The following TMOD1 variants were observed in gnomAD, a reference collection of about 807,000 sequenced individuals.
TMOD1 encodes the protein tropomodulin-1.
Under a neutral mutation model 40.6 loss-of-function variants are expected in TMOD1, and 17 were observed. That is an observed-to-expected ratio of 0.42 (90% CI 0.29 to 0.63). The LOEUF is 0.63. TMOD1 is among the 20% of genes least tolerant of loss of function. The pLI is 0.22. For synonymous variants in TMOD1, 181 were observed against 175.0 expected (o/e 1.03, Z -0.27); for missense variants, 391 against 447.6 (o/e 0.87, Z 1.14).
chr9:97,592,026 A>G (rs1826012592), intron 9 of TMOD1, among the ~76,000 whole-genome samples: 1 of 151,536 alleles, frequency 6.6e-6, no homozygotes, highest in African/African-American at 2.4e-5. Flanking sequence ...AAATTTTAAA[A>G]AATAAAAAAA....
At chr9:97,519,756 G>A (rs911868809) in intron 1 of TMOD1, among the ~76,000 whole-genome samples, 1 of 152,184 alleles carries the variant, frequency 6.6e-6, no homozygotes, top group African/African-American at 2.4e-5. Context: ...GGAACACGAA[G>A]ACACATAGAA....
At position 97,568,745 on chromosome 9, in the gene TMOD1, A is replaced by T. The variant is rs529712409; in HGVS notation, c.727-149A>T. The T allele has an allele frequency of 1.1e-5, 10 of 878,628 alleles. No individual in the cohort carries two copies. In the East Asian group the frequency reaches 2.5e-4, roughly 22 times the overall value. 54.4% of individuals were successfully genotyped at this position (878,628 alleles called of 1,614,324 possible). On this transcript the variant is annotated intron_variant, in intron 7 of 9. Coordinates refer to ENST00000259365, the MANE Select transcript of TMOD1 (RefSeq NM_003275.4). ...CAGGAGCCATGGCGGGTTGCAGGAG[A>T]GGAGAGACACAGTCAGAGTTGTGCT...
At chr9:97,504,057 G>T (rs1829548701) in intron 1 of TMOD1, among the ~76,000 whole-genome samples, 1 of 152,198 alleles carries the variant, frequency 6.6e-6, no homozygotes, top group South Asian at 2.1e-4. Flanking sequence ...ATCAGGATTG[G>T]CAGGGATCAT....
intron 1 of TMOD1, among the ~76,000 whole-genome samples, chr9:97,508,510 C>T (rs1564226134): frequency 6.6e-6 from 1 of 152,148 alleles, no homozygotes; most frequent in Non-Finnish European, 1.5e-5. Context: ...ATTTCTGTGC[C>T]TGGTGTCCCC....
In TMOD1 at chr9:97,601,664, G is replaced by A. The variant is rs534871865; in HGVS notation, c.*1966G>A. ...TTTTGCAGGCCACATAGTGTCTGTT[G>A]CAACTATTCAACTCTGCCATAGATC... is the stretch of plus-strand genomic sequence containing the variant. On this transcript the variant is annotated 3_prime_UTR_variant, in exon 10 of 10. Coordinates refer to ENST00000259365, the MANE Select transcript of TMOD1 (RefSeq NM_003275.4). 13 of 777,602 alleles carry A rather than the reference G, an allele frequency of 1.7e-5. No individual in the cohort carries two copies. The African/African-American group carries it at 1.7e-4, about 10-fold the overall frequency. 48.2% of individuals were successfully genotyped at this position (777,602 alleles called of 1,614,324 possible).
chr9:97,565,644 T>G (rs1830715469), intron 6 of TMOD1, among the ~76,000 whole-genome samples: 2 of 152,182 alleles, frequency 1.3e-5, no homozygotes, highest in Non-Finnish European at 2.9e-5. Context: ...TATCTGAAAT[T>G]TTCAGGGAGG....
rs114571014 is a variant in TMOD1 at position 97,522,170 on chromosome 9, C to T, written c.-48-1971C>T. On this transcript the variant is annotated intron_variant, in intron 1 of 9. Transcript: ENST00000259365. Reference sequence around the variant, plus strand: ...CACAGCGTGGCTTAAATAACAGAAACGTACTGTCACACAGTGTTGGAGGCT... The same window carrying T: ...CACAGCGTGGCTTAAATAACAGAAATGTACTGTCACACAGTGTTGGAGGCT... Among the ~76,000 whole-genome samples the T allele has an allele frequency of 9.8e-4, 150 of 152,310 alleles. 1 individual carries two copies. Among genetic ancestry groups the T allele is most frequent in the African/African-American group, 3.3e-3 (138 of 41,578 alleles).
At chr9:97,586,630 C>T (rs1331299891) in intron 8 of TMOD1, among the ~76,000 whole-genome samples, 1 of 151,982 alleles carries the variant, frequency 6.6e-6, no homozygotes, top group Non-Finnish European at 1.5e-5. Context: ...AGTTTGATCT[C>T]AGACTGCTGT....
intron 2 of TMOD1, among the ~76,000 whole-genome samples, chr9:97,536,413 G>A (rs1830185548): frequency 6.6e-6 from 1 of 152,010 alleles, no homozygotes; most frequent in Non-Finnish European, 1.5e-5. Flanking sequence ...GGGAAGAGGA[G>A]TCAGCTGGAA....
chr9:97,551,171 G>A (rs1444420583), intron 3 of TMOD1, among the ~76,000 whole-genome samples: 2 of 151,578 alleles, frequency 1.3e-5, no homozygotes, highest in Admixed American at 6.6e-5. Context: ...CTACAGGCAC[G>A]CACCATCACG....
At position 97,517,111 on chromosome 9, in the gene TMOD1, C is replaced by T. The variant is rs1440888560; in HGVS notation, c.-48-7030C>T. Among the ~76,000 whole-genome samples, 3 of 152,040 alleles carry T rather than the reference C, an allele frequency of 2.0e-5. No individual in the cohort carries two copies. In the East Asian group the frequency reaches 5.8e-4, roughly 29 times the overall value. ...CGTATAATCCCAGCACTTTGGGAGGCTGAAGCGGGAGGATTGCTTGAGGCC... is the reference window on the plus strand; with the variant it reads ...CGTATAATCCCAGCACTTTGGGAGGTTGAAGCGGGAGGATTGCTTGAGGCC... On this transcript the variant is annotated intron_variant, in intron 1 of 9. Coordinates refer to ENST00000259365, the MANE Select transcript of TMOD1 (RefSeq NM_003275.4).
intron 2 of TMOD1, among the ~76,000 whole-genome samples, chr9:97,545,631 G>A (rs973817449): frequency 1.3e-5 from 2 of 152,184 alleles, no homozygotes; most frequent in Admixed American, 6.5e-5. Context: ...TCTTAGCTCT[G>A]CAGGGCACTG....
chr9:97,529,434 G>A (rs181816474), intron 2 of TMOD1, among the ~76,000 whole-genome samples: 87 of 152,072 alleles, frequency 5.7e-4, no homozygotes, highest in Non-Finnish European at 9.7e-4. Flanking sequence ...GACGTTTCTG[G>A]TTATGCAATT....
intron 9 of TMOD1, among the ~76,000 whole-genome samples, chr9:97,597,915 G>A (rs1055259925): frequency 6.6e-6 from 1 of 151,990 alleles, no homozygotes; most frequent in South Asian, 2.1e-4. Flanking sequence ...TTCTTCTGCA[G>A]GGAGAAGGAG....
intron 2 of TMOD1, among the ~76,000 whole-genome samples, chr9:97,533,960 C>T (rs1260296488): frequency 1.3e-5 from 2 of 152,180 alleles, no homozygotes; most frequent in South Asian, 4.1e-4. Flanking sequence ...ATCTTTCTGC[C>T]ATTCCTAAGG....
At chr9:97,518,850 C>A (rs998694766) in intron 1 of TMOD1, among the ~76,000 whole-genome samples, 9 of 152,138 alleles carry the variant, frequency 5.9e-5, no homozygotes, top group Non-Finnish European at 7.4e-5. Flanking sequence ...GTAGAGGGAA[C>A]CTGACATAAA....
chr9:97,589,330 G>A (rs1217726291), intron 8 of TMOD1, among the ~76,000 whole-genome samples: 2 of 143,848 alleles, frequency 1.4e-5, no homozygotes, highest in Non-Finnish European at 3.0e-5. Flanking sequence ...TGCCAGGCTG[G>A]AGTGCAGTGG....
chr9:97,562,922 C>T, intron 5 of TMOD1, 101 bp downstream of exon 5: 1 of 906,612 alleles, frequency 1.1e-6, no homozygotes, highest in Non-Finnish European at 1.7e-6. Flanking sequence ...TGTTATATAG[C>T]CAAATCTGTT....
intron 8 of TMOD1, among the ~76,000 whole-genome samples, chr9:97,574,843 CT>C (rs1350153688): frequency 6.6e-6 from 1 of 152,210 alleles, no homozygotes; most frequent in African/African-American, 2.4e-5. Context: ...CACTCTGTAT[CT>C]AGCTAATCTA....
Sources: gnomAD v4.1 joint callset for allele counts (sites outside exome capture counted in the v4.1 genomes callset) on GRCh38, gnomAD v4.1.1 for gene constraint, MANE v1.5 for transcripts, NCBI Gene and HGNC (gene_info 2026-07-23, HGNC 2026-07-21) for gene names.